SYT9: variants seen among roughly 807,000 people sequenced by gnomAD.
SYT9 encodes synaptotagmin-9.
In SYT9, 22 loss-of-function variants were observed where a neutral mutation model predicts 48.4. The ratio of observed to expected loss-of-function variants is 0.45; its 90% CI spans 0.32 to 0.65. The LOEUF is 0.65. Among genes scored for constraint, SYT9 ranks in the 30% least tolerant of loss-of-function variants. SYT9 has a pLI of 0.03. For missense variants in SYT9, 577 were observed against 622.0 expected (o/e 0.93, Z 0.77); for synonymous variants, 265 against 245.0 (o/e 1.08, Z -0.76).
intron 6 of SYT9, among the ~76,000 whole-genome samples, chr11:7,420,887 T>A (rs192873122): frequency 6.6e-6 from 1 of 152,274 alleles, no homozygotes; most frequent in Non-Finnish European, 1.5e-5. Flanking sequence ...AGATCAAGAT[T>A]CTCTGCTTCT....
At chr11:7,323,018 C>G (rs2133966681) in intron 3 of SYT9, among the ~76,000 whole-genome samples, 1 of 152,066 alleles carries the variant, frequency 6.6e-6, no homozygotes, top group Non-Finnish European at 1.5e-5. Context: ...ATAACTAGTT[C>G]TTTTTTGTTG....
At chr11:7,413,812 G>A (rs1332445612) in intron 3 of SYT9, among the ~76,000 whole-genome samples, 6 of 147,316 alleles carry the variant, frequency 4.1e-5, no homozygotes, top group African/African-American at 1.5e-4. Flanking sequence ...TGCCTAAGCT[G>A]TACTTGTACT....
At chr11:7,352,112 G>A (rs535718910) in intron 3 of SYT9, among the ~76,000 whole-genome samples, 54 of 152,278 alleles carry the variant, frequency 3.5e-4, no homozygotes, top group Middle Eastern at 3.4e-3. Context: ...TCCCTGAGGG[G>A]CTTGGGAAAT....
intron 3 of SYT9, among the ~76,000 whole-genome samples, chr11:7,369,094 C>T (rs1382982278): frequency 6.6e-6 from 1 of 152,192 alleles, no homozygotes; most frequent in Admixed American, 6.5e-5. Flanking sequence ...TTTACACTCC[C>T]ATCAACAGTG....
At chr11:7,285,680 G>T (rs36053109) in intron 1 of SYT9, among the ~76,000 whole-genome samples, 23,390 of 152,192 alleles carry the variant, frequency 0.15, 2,186 homozygotes, top group Non-Finnish European at 0.2. Context: ...GACAAAGCAA[G>T]TCCCTTCTGC....
intron 2 of SYT9, among the ~76,000 whole-genome samples, chr11:7,310,243 C>T (rs943497136): frequency 3.3e-5 from 5 of 152,044 alleles, no homozygotes; most frequent in African/African-American, 4.8e-5. Context: ...AAGCGATTCT[C>T]CTGCCTCAGC....
At chr11:7,459,784 A>T (rs1351589425) in intron 6 of SYT9, among the ~76,000 whole-genome samples, 1 of 152,212 alleles carries the variant, frequency 6.6e-6, no homozygotes, top group South Asian at 2.1e-4. Context: ...GGAGACTGCC[A>T]TGTGACAATG....
intron 6 of SYT9, chr11:7,427,712 GA>G (rs1323646283): frequency 6.6e-6 from 1 of 152,164 alleles, no homozygotes; most frequent in African/African-American, 2.4e-5. Flanking sequence ...ACAAAATGAA[GA>G]AATTATTCTT....
intron 3 of SYT9, among the ~76,000 whole-genome samples, chr11:7,363,261 A>G (rs1850180888): frequency 6.6e-6 from 1 of 152,172 alleles, no homozygotes; most frequent in Non-Finnish European, 1.5e-5. Context: ...GAAAACAACT[A>G]GCCTACATTT....
chr11:7,247,678 A>ATG (rs146537241), upstream of SYT9, among the ~76,000 whole-genome samples: 31,718 of 143,116 alleles, frequency 0.22, 4,345 homozygotes, highest in Admixed American at 0.3. Context: ...ATACGTATAT[A>ATG]TGTGTGTATA....
At chr11:7,255,203 C>T (rs7943954) in intron 1 of SYT9, among the ~76,000 whole-genome samples, 79,732 of 151,862 alleles carry the variant, frequency 0.53, 21,121 homozygotes, top group Admixed American at 0.56. Flanking sequence ...GCCTCAGAGA[C>T]TAGCCTTTAA....
intron 3 of SYT9, among the ~76,000 whole-genome samples, chr11:7,318,763 A>G (rs1026599825): frequency 6.6e-6 from 1 of 152,156 alleles, no homozygotes; most frequent in Non-Finnish European, 1.5e-5. Flanking sequence ...TATTTTGGTC[A>G]ATTACATTGA....
At chr11:7,292,192 G>T (rs574886967) in intron 1 of SYT9, among the ~76,000 whole-genome samples, 1 of 152,160 alleles carries the variant, frequency 6.6e-6, no homozygotes, top group Non-Finnish European at 1.5e-5. Flanking sequence ...CAGCCTTTTG[G>T]TCTTGTTCCA....
At chr11:7,312,337 T>C (rs1191141533) in intron 2 of SYT9, among the ~76,000 whole-genome samples, 1 of 152,238 alleles carries the variant, frequency 6.6e-6, no homozygotes, top group Non-Finnish European at 1.5e-5. Context: ...CCTCTCCAAC[T>C]GTTTACCAAT....
At chr11:7,353,489 G>T (rs1248166321) in intron 3 of SYT9, among the ~76,000 whole-genome samples, 1 of 152,210 alleles carries the variant, frequency 6.6e-6, no homozygotes, top group African/African-American at 2.4e-5. Context: ...CAGATTTCCG[G>T]TAAGTTCTAC....
rs1339620863 is a variant in SYT9, at chr11:7,457,516, C to A, written c.1468-9276C>A. ...AATAAGTTCTTGTTGGACAGAATTT[C>A]AATTTCTTCTATCTTACAACTTGTA... On this transcript the variant is annotated intron_variant, in intron 6 of 6. Coordinates refer to ENST00000318881, the MANE Select transcript of SYT9 (RefSeq NM_175733.4). 44 of 152,194 alleles carry A rather than the reference C, an allele frequency of 2.9e-4. 1 individual carries two copies. The highest frequency in any genetic ancestry group is 2.9e-3 in the Admixed American group (44 of 15,276). The allele number at this position is 152,194 out of a possible 1,614,324, so 9.4% of individuals were successfully genotyped here.
chr11:7,411,040 A>G (rs549827286), intron 3 of SYT9, among the ~76,000 whole-genome samples: 1 of 152,248 alleles, frequency 6.6e-6, no homozygotes, highest in South Asian at 2.1e-4. Flanking sequence ...TTTTTAGGAA[A>G]GACGGGGTTT....
Position 7,468,306 on chromosome 11 carries a change from T to C in SYT9, c.*1506T>C, listed in dbSNP as rs1848366554. The C allele has an allele frequency of 2.5e-6, 1 of 398,622 alleles. No individual in the cohort carries two copies. The allele number at this position is 398,622 out of a possible 1,614,324, so 24.7% of individuals were successfully genotyped here. On this transcript the variant is annotated 3_prime_UTR_variant, in exon 7 of 7. Transcript: ENST00000318881. ...TCATTGCCCCAGCTGCCTAGTACTA[T>C]ACAAGAAGCTCTACTTTGATGGCAG...
chr11:7,452,147 ACT>A lies in SYT9; in HGVS notation c.1468-14644_1468-14643del, dbSNP rs1491078584. ...CACACACACACACACACACACACAC[ACT>A]GAGGAAAAACAAACAATGATAAGAA... On this transcript the variant is annotated intron_variant, in intron 6 of 6. Transcript: ENST00000318881. Among the ~76,000 whole-genome samples, 378 of 151,586 alleles carry A rather than the reference ACT, an allele frequency of 2.5e-3. 2 individuals are homozygous for A. The highest frequency in any genetic ancestry group is 8.6e-3 in the African/African-American group (356 of 41,340).
Sources: gnomAD v4.1 joint callset for allele counts (sites outside exome capture counted in the v4.1 genomes callset) on GRCh38, gnomAD v4.1.1 for gene constraint, MANE v1.5 for transcripts, NCBI Gene and HGNC (gene_info 2026-07-23, HGNC 2026-07-21) for gene names.